The following DEUP1 variants were observed in gnomAD, a reference collection of about 807,000 sequenced individuals.
The protein encoded by DEUP1 is deuterosome assembly protein 1.
Under a neutral mutation model 87.4 loss-of-function variants are expected in DEUP1, and 82 were observed. The observed-to-expected ratio is 0.94, with a 90% confidence interval of 0.78 to 1.13. DEUP1 has a LOEUF of 1.13. DEUP1 is among the 50% of genes most tolerant of loss of function. DEUP1 has a pLI of 0.00. For synonymous variants in DEUP1, 214 were observed against 222.7 expected (o/e 0.96, Z 0.35); for missense variants, 663 against 681.5 (o/e 0.97, Z 0.30).
chr11:93,356,966 A>C lies in DEUP1; in HGVS notation c.220A>C (p.Lys74Gln), dbSNP rs1454292994. The change falls in exon 4 of 14, where the codon AAA becomes CAA. Residue 74 changes from lysine to glutamine, a missense_variant. Physicochemically the swap from Lys to Gln is moderately conservative, Grantham distance 53. Transcript: ENST00000298050. ...KGQEVGLLRQ[K>Q]LDSLEKCNLA... ...CATGCAGGTAGGGTTACTTCGACAGAAATTGGACAGTCTGGAAAAATGTAA... is the reference window on the plus strand; with the variant it reads ...CATGCAGGTAGGGTTACTTCGACAGCAATTGGACAGTCTGGAAAAATGTAA... The C allele has an allele frequency of 6.2e-7, 1 of 1,601,180 alleles. No homozygotes were observed. Among genetic ancestry groups the C allele is most frequent in the Non-Finnish European group, 8.5e-7 (1 of 1,174,184 alleles).
chr11:93,414,292 T>A (rs1287213538), intron 12 of DEUP1, among the ~76,000 whole-genome samples: 1 of 152,150 alleles, frequency 6.6e-6, no homozygotes, highest in Admixed American at 6.5e-5. Flanking sequence ...CGCAGGCGAA[T>A]CACAAGGTCA....
chr11:93,339,930 T>C (rs1260938520), intron 2 of DEUP1, among the ~76,000 whole-genome samples: 2 of 152,170 alleles, frequency 1.3e-5, no homozygotes, highest in African/African-American at 4.8e-5. Context: ...TGGCATTCTA[T>C]TCCCCTGCTG....
rs933186638 is a variant in DEUP1, at chr11:93,389,138, A to C, written c.1041+13A>C. On this transcript the variant is annotated intron_variant, in intron 9 of 13. Coordinates refer to ENST00000298050, the MANE Select transcript of DEUP1 (RefSeq NM_181645.4). ...AGAATTGAACAAGGTATGAAAAATA[A>C]TGAGCTCCATTCTTCCAGGTAGATG... 4.2e-6 allele frequency: 6 copies of C among 1,428,148 alleles called. No homozygotes were observed. The highest frequency in any genetic ancestry group is 4.9e-6 in the Non-Finnish European group (5 of 1,027,302). 88.5% of individuals were successfully genotyped at this position (1,428,148 alleles called of 1,614,324 possible). A position where few individuals can be genotyped will look rare whatever the true frequency, so the allele number is the denominator to read the frequency against.
intron 12 of DEUP1, among the ~76,000 whole-genome samples, chr11:93,408,641 T>C (rs1179334552): frequency 6.6e-6 from 1 of 152,196 alleles, no homozygotes; most frequent in African/African-American, 2.4e-5. Flanking sequence ...CAGTGGATTT[T>C]AGTTTGTTAG....
At chr11:93,393,690 T>C (rs1421639953) in intron 9 of DEUP1, among the ~76,000 whole-genome samples, 1 of 151,132 alleles carries the variant, frequency 6.6e-6, no homozygotes, top group Non-Finnish European at 1.5e-5. Context: ...GATGATTATG[T>C]ACTTTAAGTC....
chr11:93,381,713 T>C (rs1946312384), intron 7 of DEUP1, among the ~76,000 whole-genome samples: 1 of 152,142 alleles, frequency 6.6e-6, no homozygotes, highest in Non-Finnish European at 1.5e-5. Flanking sequence ...ATTAAGGTGC[T>C]AGAGCAACAT....
intron 12 of DEUP1, among the ~76,000 whole-genome samples, chr11:93,412,267 A>G (rs149584930): frequency 6.6e-6 from 1 of 152,352 alleles, no homozygotes; most frequent in Non-Finnish European, 1.5e-5. Context: ...GGGGCCTGCT[A>G]TCCTGGTGAA....
chr11:93,355,102 T>A (rs759460335), intron 2 of DEUP1, among the ~76,000 whole-genome samples: 4 of 152,336 alleles, frequency 2.6e-5, no homozygotes, highest in African/African-American at 7.2e-5. Flanking sequence ...TGAAGCTAAG[T>A]CTTATAATTT....
chr11:93,332,020 C>G (rs4753455), intron 1 of DEUP1, among the ~76,000 whole-genome samples, 196 bp from the exon 2 acceptor site: 52,584 of 151,950 alleles, frequency 0.35, 9,454 homozygotes, highest in Non-Finnish European at 0.4. Flanking sequence ...CAGCCTGGGC[C>G]ACAGAGCTAG....
In DEUP1 at chr11:93,392,023, C is replaced by T. The variant is rs191329504; in HGVS notation, c.1042-2436C>T. The stretch of plus-strand genomic sequence containing the variant: ...TCTAAGGTCATATCCAACTCTGAAA[C>T]TCTGAATATGCTGGTAATATGAATA... On this transcript the variant is annotated intron_variant, in intron 9 of 13. Transcript: ENST00000298050. Among the ~76,000 whole-genome samples, 3 of 152,262 alleles carry T rather than the reference C, an allele frequency of 2.0e-5. No homozygotes were observed. In the East Asian group the frequency reaches 5.8e-4, roughly 29 times the overall value.
intron 10 of DEUP1, 133 bp from the exon 11 acceptor site, chr11:93,396,106 G>A (rs991335607): frequency 3.2e-5 from 21 of 650,990 alleles, no homozygotes; most frequent in Non-Finnish European, 5.2e-5. Flanking sequence ...ATACCTGAAT[G>A]TTATTGGTCG....
chr11:93,378,465 T>A (rs1476693900), intron 7 of DEUP1, among the ~76,000 whole-genome samples: 6 of 152,092 alleles, frequency 3.9e-5, no homozygotes, highest in East Asian at 3.9e-4. Flanking sequence ...GTGATTTTTT[T>A]AATTTATGCT....
chr11:93,399,816 T>G (rs887272980), intron 11 of DEUP1, among the ~76,000 whole-genome samples: 5 of 151,912 alleles, frequency 3.3e-5, no homozygotes, highest in Non-Finnish European at 7.4e-5. Flanking sequence ...TAGTAGGTTT[T>G]TTTTCTTTTT....
Position 93,415,361 on chromosome 11 carries a change from G to C in DEUP1, c.1638+247G>C, listed in dbSNP as rs1371870953. 2.0e-5 allele frequency among the ~76,000 whole-genome samples: 3 copies of C among 152,102 alleles called. No homozygotes were observed. In the South Asian group the frequency reaches 6.2e-4, roughly 31 times the overall value. On this transcript the variant is annotated intron_variant, in intron 13 of 13. Transcript: ENST00000298050. ...TCTAATGCAGGCCAGAATTACTGGAGATGGTGTTTTTTAAAAAAAATGCGA... is the reference window on the plus strand; with the variant it reads ...TCTAATGCAGGCCAGAATTACTGGACATGGTGTTTTTTAAAAAAAATGCGA...
At chr11:93,404,440 C>T (rs1373853380) in intron 11 of DEUP1, among the ~76,000 whole-genome samples, 2 of 151,852 alleles carry the variant, frequency 1.3e-5, no homozygotes, top group Non-Finnish European at 2.9e-5. Flanking sequence ...TTTCACCATC[C>T]GTAAAGTTTT....
intron 13 of DEUP1, among the ~76,000 whole-genome samples, chr11:93,416,348 A>T (rs1411390109): frequency 6.6e-6 from 1 of 152,176 alleles, no homozygotes; most frequent in Non-Finnish European, 1.5e-5. Context: ...GATAAAGGGG[A>T]TATCACCACC....
chr11:93,352,841 C>A (rs952445528), intron 2 of DEUP1, among the ~76,000 whole-genome samples: 1 of 152,142 alleles, frequency 6.6e-6, no homozygotes, highest in Non-Finnish European at 1.5e-5. Context: ...GATTCAATTA[C>A]CTCCCCACCC....
At chr11:93,331,733 C>A (rs1405218040) in intron 1 of DEUP1, among the ~76,000 whole-genome samples, 1 of 152,162 alleles carries the variant, frequency 6.6e-6, no homozygotes. Flanking sequence ...TTAGTCCGTA[C>A]CACATATTTC....
intron 7 of DEUP1, among the ~76,000 whole-genome samples, chr11:93,375,567 T>C (rs1945997722): frequency 6.6e-6 from 1 of 152,202 alleles, no homozygotes; most frequent in Admixed American, 6.5e-5. Flanking sequence ...TTTAATTCTG[T>C]TTATGAGGTG....
Sources: allele counts gnomAD v4.1 joint callset (sites outside exome capture counted in the v4.1 genomes callset), GRCh38; gene constraint gnomAD v4.1.1; transcripts MANE v1.5; gene names NCBI Gene and HGNC (gene_info 2026-07-23, HGNC 2026-07-21).